The following PABIR3 variants were observed in gnomAD, a reference collection of about 807,000 sequenced individuals.
The protein encoded by PABIR3 is PABIR family member 1.
Under a neutral mutation model 23.1 loss-of-function variants are expected in PABIR3, and 20 were observed. That is an observed-to-expected ratio of 0.86 (90% CI 0.61 to 1.26). The LOEUF (loss-of-function observed/expected upper bound fraction) is 1.26. Among genes scored for constraint, PABIR3 ranks in the 50% most tolerant of loss-of-function variants. The probability of loss-of-function intolerance (pLI) is 0.00; values close to 1 mark genes in which losing one functional copy is unlikely to be tolerated. For missense variants in PABIR3, 189 were observed against 195.4 expected (o/e 0.97, Z 0.20); for synonymous variants, 69 against 68.5 (o/e 1.01, Z -0.04).
rs1159046206 is a variant in PABIR3 at position 134,854,071 on chromosome X, G to C, written c.687-20G>C. 4 of 1,208,876 alleles carry C rather than the reference G, an allele frequency of 3.3e-6. No individual in the cohort carries two copies. The highest frequency in any genetic ancestry group is 4.5e-6 in the Non-Finnish European group (4 of 893,620). On this transcript the variant is annotated intron_variant, in intron 10 of 10. Coordinates refer to ENST00000645433, the MANE Select transcript of PABIR3 (RefSeq NM_001388447.1). Reference sequence around the variant, plus strand: ...ATCTCTTGAGTTCTGCTATCAATGAGTGGCATTTTCTTCTTCTAGTCTACT... The same window carrying C: ...ATCTCTTGAGTTCTGCTATCAATGACTGGCATTTTCTTCTTCTAGTCTACT...
downstream of PABIR3, among the ~76,000 whole-genome samples, chrX:134,856,135 CT>C (rs1261073227): frequency 9.0e-6 from 1 of 111,332 alleles, no homozygotes; most frequent in African/African-American, 3.3e-5. Flanking sequence ...GTAATCTTGA[CT>C]ATCTCAATAT....
chrX:134,819,108 C>T (rs1479371432), intron 3 of PABIR3, among the ~76,000 whole-genome samples: 1 of 107,717 alleles, frequency 9.3e-6, no homozygotes, highest in African/African-American at 3.4e-5. Context: ...GGCTAATGTT[C>T]GTATTTTTAG....
Position 134,807,658 on chromosome X carries a change from C to A in PABIR3, c.60C>A (p.Asp20Glu), listed in dbSNP as rs1398898585. 57 of 1,206,355 alleles carry A rather than the reference C, an allele frequency of 4.7e-5. No individual in the cohort carries two copies. The highest frequency in any genetic ancestry group is 4.6e-4 in the Middle Eastern group (2 of 4,360). ...FKSLPSSTTA[D>E]GNILRRVNSA... ...CGCTGCCGAGTTCCACTACCGCAGA[C>A]GGCAACATTCTGAGAAGAGTCAACA... is the stretch of plus-strand genomic sequence containing the variant. Residue 20 changes from aspartate (D) to glutamate (E), a missense_variant, in exon 2 of 11, where the codon GAC becomes GAA. Asp to Glu is a conservative substitution (Grantham distance 45, BLOSUM62 2). Coordinates refer to ENST00000645433, the MANE Select transcript of PABIR3 (RefSeq NM_001388447.1).
intron 9 of PABIR3, among the ~76,000 whole-genome samples, chrX:134,851,583 C>T (rs970429528): frequency 1.8e-5 from 2 of 110,329 alleles, no homozygotes; most frequent in African/African-American, 6.6e-5. Context: ...GCCTTCACAT[C>T]GGAATACTGC....
At chrX:134,800,133 T>C (rs919722165) in intron 1 of PABIR3, among the ~76,000 whole-genome samples, 6 of 108,424 alleles carry the variant, frequency 5.5e-5, no homozygotes, top group African/African-American at 2.0e-4. Flanking sequence ...ACCCTGTCTA[T>C]ACTAAAAACA....
At chrX:134,836,643 T>C (rs758040146) in intron 4 of PABIR3, among the ~76,000 whole-genome samples, 6 of 111,331 alleles carry the variant, frequency 5.4e-5, no homozygotes, top group African/African-American at 6.5e-5. Context: ...AGCGGTCATA[T>C]TGGATTAGGG....
chrX:134,800,627 T>A (rs1335334675), intron 1 of PABIR3, among the ~76,000 whole-genome samples: 4 of 109,972 alleles, frequency 3.6e-5, no homozygotes, highest in Non-Finnish European at 5.7e-5. Flanking sequence ...CCGTCTCTAC[T>A]AAAAATACAA....
In PABIR3 at chrX:134,854,298, G is replaced by T. The variant is rs370990073; in HGVS notation, c.*81G>T. The T allele has an allele frequency of 6.3e-5, 66 of 1,050,954 alleles. No individual in the cohort carries two copies. In the African/African-American group the frequency reaches 1.2e-3, roughly 19 times the overall value. The allele number at this position is 1,050,954 out of a possible 1,213,427, so 86.6% of individuals were successfully genotyped here. A position where few individuals can be genotyped will look rare whatever the true frequency, so the allele number is the denominator to read the frequency against. ...GAAACACACACATCAAGCAAACCAAGTCAGAGCAATGAGAATTGTACTGTA... is the reference window on the plus strand; with the variant it reads ...GAAACACACACATCAAGCAAACCAATTCAGAGCAATGAGAATTGTACTGTA... On this transcript the variant is annotated 3_prime_UTR_variant, in exon 11 of 11. Transcript: ENST00000645433.
chrX:134,852,148 C>T (rs1380617995), intron 9 of PABIR3, among the ~76,000 whole-genome samples: 1 of 112,026 alleles, frequency 8.9e-6, no homozygotes, highest in Non-Finnish European at 1.9e-5. Flanking sequence ...TGACATTAAA[C>T]TCATTAAACA....
intron 9 of PABIR3, among the ~76,000 whole-genome samples, chrX:134,849,869 C>CTTTTTT (rs374919785): frequency 0.014 from 818 of 58,766 alleles, 66 homozygotes; most frequent in African/African-American, 0.059. Context: ...GCTCTTCTTC[C>CTTTTTT]TTTTTTTTTT....
the PABIR3 span, among the ~76,000 whole-genome samples, chrX:134,860,462 A>G: frequency 3.6e-5 from 4 of 111,379 alleles, no homozygotes; most frequent in Non-Finnish European, 7.5e-5. Flanking sequence ...ATAATATACA[A>G]GGCTGTTGAG....
chrX:134,814,722 A>T, intron 2 of PABIR3, 49 bp from the exon 3 acceptor site: 2 of 950,653 alleles, frequency 2.1e-6, no homozygotes, highest in Non-Finnish European at 2.9e-6. Context: ...AAAAAAAAAG[A>T]ATTTTGTAAT....
chrX:134,855,103 GT>G (rs869101677), downstream of PABIR3, among the ~76,000 whole-genome samples: 399 of 103,641 alleles, frequency 3.8e-3, 3 homozygotes, highest in Admixed American at 6.4e-3. Flanking sequence ...AATCTTAAGG[GT>G]TTTTTTTTTT....
the PABIR3 span, among the ~76,000 whole-genome samples, chrX:134,863,526 T>A: frequency 3.6e-5 from 4 of 111,661 alleles, no homozygotes. Context: ...TATACCATTT[T>A]CTACTCTTTG....
chrX:134,849,869 C>CTTT (rs374919785), intron 9 of PABIR3, among the ~76,000 whole-genome samples: 34 of 58,850 alleles, frequency 5.8e-4, no homozygotes, highest in African/African-American at 1.7e-3. Flanking sequence ...GCTCTTCTTC[C>CTTT]TTTTTTTTTT....
At chrX:134,813,514 A>G (rs2080793273) in intron 2 of PABIR3, among the ~76,000 whole-genome samples, 1 of 112,619 alleles carries the variant, frequency 8.9e-6, no homozygotes, top group African/African-American at 3.2e-5. Context: ...CTAAAACAAA[A>G]GTATTACAGA....
At chrX:134,824,038 GAATT>G (rs1193965929) in intron 3 of PABIR3, among the ~76,000 whole-genome samples, 5 of 111,253 alleles carry the variant, frequency 4.5e-5, no homozygotes, top group Non-Finnish European at 7.5e-5. Context: ...TGATCCTAAA[GAATT>G]AATTAAGGAT....
chrX:134,831,796 G>C (rs1422957922), intron 4 of PABIR3: 3 of 110,745 alleles, frequency 2.7e-5, no homozygotes, highest in African/African-American at 9.9e-5. Flanking sequence ...AATTATTATT[G>C]ACTATAGTCA....
chrX:134,862,294 C>T, the PABIR3 span, among the ~76,000 whole-genome samples: 1 of 108,268 alleles, frequency 9.2e-6, no homozygotes, highest in Non-Finnish European at 1.9e-5. Context: ...GGACTACAAG[C>T]ACCCGCCACC....
Sources: allele counts gnomAD v4.1 joint callset (sites outside exome capture counted in the v4.1 genomes callset), GRCh38; gene constraint gnomAD v4.1.1; transcripts MANE v1.5; gene names NCBI Gene and HGNC (gene_info 2026-07-23, HGNC 2026-07-21).